The following ARPIN variants were observed in gnomAD, a reference collection of about 807,000 sequenced individuals.
The protein encoded by ARPIN is actin related protein 2/3 complex inhibitor.
A neutral mutation model predicts 25.9 loss-of-function variants in ARPIN; 23 were observed. The ratio of observed to expected loss-of-function variants is 0.89; its 90% CI spans 0.64 to 1.26. The LOEUF is 1.26. ARPIN is among the 50% of genes most tolerant of loss of function. ARPIN has a pLI of 0.00. For missense variants in ARPIN, 333 were observed against 312.2 expected (o/e 1.07, Z -0.50); for synonymous variants, 126 against 131.4 (o/e 0.96, Z 0.28).
At chr15:89,902,658 C>T (rs1465867739) in intron 5 of ARPIN, among the ~76,000 whole-genome samples, 1 of 151,166 alleles carries the variant, frequency 6.6e-6, no homozygotes, top group East Asian at 2.0e-4. Flanking sequence ...GAGCCATGAT[C>T]GTGCCCCTGC....
intron 2 of ARPIN, among the ~76,000 whole-genome samples, chr15:89,910,006 T>C (rs898885414): frequency 4.6e-5 from 7 of 152,194 alleles, no homozygotes; most frequent in African/African-American, 1.7e-4. Context: ...TGGGCTCTCC[T>C]GGGCAGGCTA....
chr15:89,904,060 G>A, intron 3 of ARPIN, 77 bp from the exon 4 acceptor site: 2 of 1,501,358 alleles, frequency 1.3e-6, no homozygotes, highest in Non-Finnish European at 1.8e-6. Flanking sequence ...GGAGCCAGGT[G>A]AGGGCTGAGT....
intron 3 of ARPIN, among the ~76,000 whole-genome samples, chr15:89,905,442 C>A (rs137925531): frequency 6.6e-5 from 10 of 152,256 alleles, no homozygotes; most frequent in East Asian, 1.9e-4. Flanking sequence ...CCCCTTCCCC[C>A]CTCCTGAGGA....
At chr15:89,912,663 T>TGTGG in intron 1 of ARPIN, 81 bp downstream of exon 1, 6 of 871,102 alleles carry the variant, frequency 6.9e-6, no homozygotes, top group East Asian at 1.0e-4. Flanking sequence ...CCCACCCGCA[T>TGTGG]CCCACCCCCC....
At chr15:89,906,344 G>A (rs1897119888) in intron 3 of ARPIN, among the ~76,000 whole-genome samples, 1 of 152,116 alleles carries the variant, frequency 6.6e-6, no homozygotes, top group Non-Finnish European at 1.5e-5. Flanking sequence ...GCCCTGCATG[G>A]CTTCTCATAC....
chr15:89,910,700 G>A (rs768587366), intron 2 of ARPIN, 44 bp downstream of exon 2: 25 of 1,611,680 alleles, frequency 1.6e-5, no homozygotes, highest in African/African-American at 1.2e-4. Context: ...GATGATGACC[G>A]TGAAGTCAGT....
At position 89,899,333 on chromosome 15, in the gene ARPIN, C is replaced by T. The variant is rs1181988637; in HGVS notation, c.*2462G>A. On this transcript the variant is annotated 3_prime_UTR_variant, in exon 6 of 6. Transcript: ENST00000357484. ...CTCCTGACCTCAAGTGATCCGCCCA[C>T]CTCGGCCTCCCAAAGTGCTAAGATT... 6.6e-6 allele frequency: 1 copy of T among 152,356 alleles called. No homozygotes were observed. Among genetic ancestry groups the T allele is most frequent in the African/African-American group, 2.4e-5 (1 of 41,426 alleles). The allele number at this position is 152,356 out of a possible 1,614,324, so 9.4% of individuals were successfully genotyped here.
chr15:89,912,909 G>C lies in ARPIN; in HGVS notation c.-74C>G, dbSNP rs972561753. 1 of 1,418,518 alleles carries C rather than the reference G, an allele frequency of 7.0e-7. No individual in the cohort carries two copies. Among genetic ancestry groups the C allele is most frequent in the Admixed American group, 3.1e-5 (1 of 32,098 alleles). The allele number at this position is 1,418,518 out of a possible 1,614,324, so 87.9% of individuals were successfully genotyped here. A position where few individuals can be genotyped will look rare whatever the true frequency, so the allele number is the denominator to read the frequency against. On this transcript the variant is annotated 5_prime_UTR_variant, in exon 1 of 6. Coordinates refer to ENST00000357484, the MANE Select transcript of ARPIN (RefSeq NM_182616.4). ...GGGGCGCGGCGCGGGAAGTGCTGCA[G>C]GACGCGCGGGGACCCGCGATTCCCA...
Position 89,910,825 on chromosome 15 carries a change from G to A in ARPIN, c.93-6C>T, listed in dbSNP as rs756271429. 1.2e-6 allele frequency: 2 copies of A among 1,613,998 alleles called. No homozygotes were observed. The highest frequency in any genetic ancestry group is 4.5e-5 in the East Asian group (2 of 44,878). ...CCAGCAGGACACCATTTCCCCTGGGGATGAAAGGGAAAGAAAGGATAGCCA... is the reference window on the plus strand; with the variant it reads ...CCAGCAGGACACCATTTCCCCTGGGAATGAAAGGGAAAGAAAGGATAGCCA... On this transcript the variant is annotated splice_polypyrimidine_tract_variant and splice_region_variant and intron_variant, in intron 1 of 5. Coordinates refer to ENST00000357484, the MANE Select transcript of ARPIN (RefSeq NM_182616.4).
chr15:89,903,636 G>A, intron 4 of ARPIN, 141 bp downstream of exon 4: 1 of 1,406,372 alleles, frequency 7.1e-7, no homozygotes, highest in African/African-American at 1.4e-5. Flanking sequence ...CAGGGATTTA[G>A]GAGTAAATCT....
intron 3 of ARPIN, among the ~76,000 whole-genome samples, chr15:89,907,880 C>CA (rs1897151170): frequency 6.6e-6 from 1 of 152,206 alleles, no homozygotes; most frequent in African/African-American, 2.4e-5. Context: ...ATAAATCACC[C>CA]AGCCTAAGGT....
intron 3 of ARPIN, among the ~76,000 whole-genome samples, chr15:89,904,369 C>T (rs939978564): frequency 6.6e-6 from 1 of 152,184 alleles, no homozygotes. Context: ...TCCCATCTTA[C>T]AGATGAGAAA....
chr15:89,898,942 A>G lies in ARPIN; in HGVS notation c.*2853T>C, dbSNP rs994402205. ...CTGACCAGGGCAGGAGGTATGGCAAAATCAGGGGCTTTGGCCTCACCATCT... is the reference window on the plus strand; with the variant it reads ...CTGACCAGGGCAGGAGGTATGGCAAGATCAGGGGCTTTGGCCTCACCATCT... On this transcript the variant is annotated 3_prime_UTR_variant, in exon 6 of 6. Transcript: ENST00000357484. 1 of 152,268 alleles carries G rather than the reference A, an allele frequency of 6.6e-6. No homozygotes were observed. Among genetic ancestry groups the G allele is most frequent in the Non-Finnish European group, 1.5e-5 (1 of 68,094 alleles). The allele number at this position is 152,268 out of a possible 1,614,324, so 9.4% of individuals were successfully genotyped here.
chr15:89,904,509 G>C (rs1195633538), intron 3 of ARPIN, among the ~76,000 whole-genome samples: 2 of 152,166 alleles, frequency 1.3e-5, no homozygotes, highest in East Asian at 3.8e-4. Context: ...CAGGCTCTCA[G>C]GGTCTACCTG....
intron 3 of ARPIN, among the ~76,000 whole-genome samples, chr15:89,906,317 C>T (rs922193778): frequency 1.3e-5 from 2 of 152,160 alleles, no homozygotes; most frequent in South Asian, 2.1e-4. Flanking sequence ...CCTCAGTGCC[C>T]GCCCCTCCTG....
intron 5 of ARPIN, among the ~76,000 whole-genome samples, chr15:89,902,688 A>G (rs1897042224): frequency 6.6e-6 from 1 of 152,170 alleles, no homozygotes; most frequent in African/African-American, 2.4e-5. Flanking sequence ...TGGGCAACAG[A>G]ATGAGACTCC....
chr15:89,899,517 A>G lies in ARPIN; in HGVS notation c.*2278T>C, dbSNP rs1211168641. The G allele has an allele frequency of 6.6e-6, 1 of 152,106 alleles. No individual in the cohort carries two copies. Among genetic ancestry groups the G allele is most frequent in the Non-Finnish European group, 1.5e-5 (1 of 68,046 alleles). 9.4% of individuals were successfully genotyped at this position (152,106 alleles called of 1,614,324 possible). A position where few individuals can be genotyped will look rare whatever the true frequency, so the allele number is the denominator to read the frequency against. ...GGTCACCCGGAAACATAACATCACT[A>G]CTTGTGCACCACAGCACTGCCACTC... On this transcript the variant is annotated 3_prime_UTR_variant, in exon 6 of 6. Transcript: ENST00000357484.
chr15:89,910,696 G>A, intron 2 of ARPIN, 48 bp downstream of exon 2: 2 of 1,611,268 alleles, frequency 1.2e-6, no homozygotes, highest in Non-Finnish European at 1.7e-6. Context: ...AGTGGATGAT[G>A]ACCGTGAAGT....
At chr15:89,905,365 T>C (rs542841741) in intron 3 of ARPIN, among the ~76,000 whole-genome samples, 1 of 152,102 alleles carries the variant, frequency 6.6e-6, no homozygotes, top group South Asian at 2.1e-4. Context: ...TCTTTCCTTC[T>C]GTCTCAAAGG....
Sources: allele counts gnomAD v4.1 joint callset (sites outside exome capture counted in the v4.1 genomes callset), GRCh38; gene constraint gnomAD v4.1.1; transcripts MANE v1.5; gene names NCBI Gene and HGNC (gene_info 2026-07-23, HGNC 2026-07-21).